Variants in CEP152 observed in about 807,000 individuals in gnomAD.
The protein encoded by CEP152 is centrosomal protein of 152 kDa.
Under a neutral mutation model 188.9 loss-of-function variants are expected in CEP152, and 132 were observed. The ratio of observed to expected loss-of-function variants is 0.70; its 90% CI spans 0.61 to 0.81. The LOEUF (loss-of-function observed/expected upper bound fraction) is 0.81, where lower values mean the gene tolerates loss of function less well. Among genes scored for constraint, CEP152 ranks in the 30% least tolerant of loss-of-function variants. The probability of loss-of-function intolerance (pLI) is 0.00; values close to 1 mark genes in which losing one functional copy is unlikely to be tolerated. For missense variants in CEP152, 1,914 were observed against 1,969.8 expected, an observed-to-expected ratio of 0.97 and a Z score of 0.54; for synonymous variants, 649 against 666.6, an observed-to-expected ratio of 0.97 and a Z score of 0.41.
At chr15:48,749,374 G>A (rs778600177) in intron 21 of CEP152, among the ~76,000 whole-genome samples, 2 of 151,908 alleles carry the variant, frequency 1.3e-5, no homozygotes, top group Non-Finnish European at 2.9e-5. Flanking sequence ...AATCATCAAC[G>A]GTTGCCAAAT....
At chr15:48,780,693 T>C (rs895423227) in intron 12 of CEP152, among the ~76,000 whole-genome samples, 10 of 152,190 alleles carry the variant, frequency 6.6e-5, no homozygotes, top group Admixed American at 1.3e-4. Flanking sequence ...AAACATAACA[T>C]TGAATGCATA....
intron 13 of CEP152, among the ~76,000 whole-genome samples, chr15:48,770,003 G>GA (rs1451014263): frequency 6.6e-6 from 1 of 152,166 alleles, no homozygotes; most frequent in African/African-American, 2.4e-5. Flanking sequence ...CACCAAAGTG[G>GA]AACCTCTTAT....
intron 19 of CEP152, 27 bp from the exon 20 acceptor site, chr15:48,756,580 GA>G: frequency 6.3e-7 from 1 of 1,598,472 alleles, no homozygotes; most frequent in South Asian, 1.1e-5. Flanking sequence ...CATGCATTTT[GA>G]AAGTCTTTAT....
chr15:48,733,582 C>T (rs559072027), downstream of CEP152, among the ~76,000 whole-genome samples: 2 of 152,024 alleles, frequency 1.3e-5, no homozygotes, highest in South Asian at 2.1e-4. Flanking sequence ...AAAGAGGAAA[C>T]GAGGACAGAA....
intron 19 of CEP152, among the ~76,000 whole-genome samples, chr15:48,759,236 T>G (rs1894503872): frequency 6.6e-6 from 1 of 152,206 alleles, no homozygotes; most frequent in African/African-American, 2.4e-5. Flanking sequence ...ATGGTACAGA[T>G]CTGAAATCTT....
rs1277297767 is a variant in CEP152, at chr15:48,738,312, T to C, written c.5070A>G (p.Leu1690=). 3 of 1,613,912 alleles carry C rather than the reference T, an allele frequency of 1.9e-6. No homozygotes were observed. The highest frequency in any genetic ancestry group is 2.5e-6 in the Non-Finnish European group (3 of 1,179,930). Residue 1690 remains leucine (L), a synonymous_variant, in exon 27 of 27, where the codon TTA becomes TTG. Coordinates refer to ENST00000380950, the MANE Select transcript of CEP152 (RefSeq NM_001194998.2). ...SSVCQQPSRK[L]IVPLSSQQDS... Reference sequence around the variant, plus strand: ...CTTGTTGGCTAGATAGCGGAACAATTAATTTTCTTGAAGGCTGCTGACACA... The same window carrying C: ...CTTGTTGGCTAGATAGCGGAACAATCAATTTTCTTGAAGGCTGCTGACACA...
At chr15:48,809,125 T>C (rs969182455) in intron 1 of CEP152, among the ~76,000 whole-genome samples, 1 of 152,236 alleles carries the variant, frequency 6.6e-6, no homozygotes, top group Non-Finnish European at 1.5e-5. Flanking sequence ...AAAAGTAGCA[T>C]TGTTTTTGCT....
intron 11 of CEP152, among the ~76,000 whole-genome samples, chr15:48,781,921 GC>G (rs772969874): frequency 2.6e-5 from 4 of 152,184 alleles, no homozygotes; most frequent in Non-Finnish European, 5.9e-5. Flanking sequence ...GAGGTGGCAG[GC>G]AAGCTGGCAG....
In CEP152 at chr15:48,788,874, G is replaced by T. The variant is rs372764060; in HGVS notation, c.1100C>A (p.Thr367Lys). Residue 367 changes from threonine (T) to lysine (K), a missense_variant, in exon 9 of 27, where the codon ACA (threonine) becomes AAA (lysine). Coordinates refer to ENST00000380950, the MANE Select transcript of CEP152 (RefSeq NM_001194998.2). ...CAATACTTGCTCTTCGTACTTCTTT[G>T]TGAGGCCCATAACAATGCTCTCATG... ...EQHESIVMGL[T>K]KKYEEQVLSL... The T allele has an allele frequency of 3.4e-5, 55 of 1,613,990 alleles. No individual in the cohort carries two copies. The highest frequency in any genetic ancestry group is 4.4e-5 in the Non-Finnish European group (52 of 1,180,034).
At chr15:48,765,464 T>C (rs1297649022) in intron 17 of CEP152, among the ~76,000 whole-genome samples, 1 of 151,994 alleles carries the variant, frequency 6.6e-6, no homozygotes, top group East Asian at 1.9e-4. Flanking sequence ...ACTTTTCTTC[T>C]TGGACTTGTG....
chr15:48,746,488 A>T (rs1211311179), intron 22 of CEP152, among the ~76,000 whole-genome samples: 2 of 152,200 alleles, frequency 1.3e-5, no homozygotes, highest in African/African-American at 4.8e-5. Context: ...CCTCTACTAA[A>T]GAGCTAAGTA....
chr15:48,772,509 T>C lies in CEP152; in HGVS notation c.1760A>G (p.Asp587Gly), dbSNP rs1660788732. ...KIEDLHQVKK[D>G]EKSIEVETKT... ...TACCTCAACCTCAATGCTTTTTTCA[T>C]CCTTCTTCACTTGGTGGAGATCTTC... The change falls in exon 13 of 27, where the codon GAT becomes GGT. Residue 587 changes from aspartate to glycine, a missense_variant. Coordinates refer to ENST00000380950, the MANE Select transcript of CEP152 (RefSeq NM_001194998.2). 1.9e-6 allele frequency: 3 copies of C among 1,613,154 alleles called. No individual in the cohort carries two copies. In the African/African-American group the frequency reaches 4.0e-5, roughly 22 times the overall value.
chr15:48,784,149 TTTTCATAAAGAGTTTTAATAAAGA>T (rs1466602661), intron 9 of CEP152, 29 bp from the exon 10 acceptor site: 2 of 1,600,716 alleles, frequency 1.2e-6, no homozygotes, highest in East Asian at 4.5e-5. Flanking sequence ...CAGGAAGTCA[TTTTCATAAAGAGTTTTAATAAAGA>T]GTAAACTAAA....
chr15:48,773,750 A>T (rs1277239873), intron 12 of CEP152, among the ~76,000 whole-genome samples: 2 of 152,228 alleles, frequency 1.3e-5, no homozygotes, highest in Admixed American at 1.3e-4. Flanking sequence ...TGATGTAGTA[A>T]AGCCTATAAA....
chr15:48,729,927 C>T (rs1350780273), intron 2 of CEP152: 1 of 151,692 alleles, frequency 6.6e-6, no homozygotes, highest in East Asian at 1.9e-4. Flanking sequence ...GAGATTACTC[C>T]AGTACGTAAC....
Position 48,767,110 on chromosome 15 carries a change from C to T in CEP152, c.2230G>A (p.Glu744Lys), listed in dbSNP as rs1426043608. The T allele has an allele frequency of 1.2e-6, 2 of 1,613,410 alleles. No individual in the cohort carries two copies. Among genetic ancestry groups the T allele is most frequent in the Non-Finnish European group, 1.7e-6 (2 of 1,180,004 alleles). ...LEVCREKDNL[E>K]LTLRKTTEKE... ...TCAGTGGTCTTCCTGAGAGTCAATT[C>T]TAGATTATCCTTCTCTCTGCACACT... The change falls in exon 17 of 27, where the codon GAA (glutamate) becomes AAA (lysine). Residue 744 changes from glutamate to lysine, a missense_variant. Physicochemically the swap from Glu to Lys is moderately conservative, Grantham distance 56. Coordinates refer to ENST00000380950, the MANE Select transcript of CEP152 (RefSeq NM_001194998.2).
chr15:48,800,930 A>G (rs1250546803), intron 2 of CEP152, among the ~76,000 whole-genome samples: 1 of 152,240 alleles, frequency 6.6e-6, no homozygotes, highest in East Asian at 1.9e-4. Context: ...TAGAACATAC[A>G]AAAGCCTACA....
chr15:48,738,248 A>C lies in CEP152; in HGVS notation c.*1T>G. ...GATTCTTCTTAAATACTGTACCATAATTAGTCTAGATTAACAAATGGGCTA... is the reference window on the plus strand; with the variant it reads ...GATTCTTCTTAAATACTGTACCATACTTAGTCTAGATTAACAAATGGGCTA... On this transcript the variant is annotated 3_prime_UTR_variant, in exon 27 of 27. Transcript: ENST00000380950. The C allele has an allele frequency of 6.2e-7, 1 of 1,611,436 alleles. No individual in the cohort carries two copies. Among genetic ancestry groups the C allele is most frequent in the East Asian group, 2.2e-5 (1 of 44,788 alleles).
chr15:48,767,865 T>C (rs1895237265), intron 15 of CEP152, among the ~76,000 whole-genome samples: 1 of 152,256 alleles, frequency 6.6e-6, no homozygotes, highest in African/African-American at 2.4e-5. Context: ...TCCAGAAGTC[T>C]GTTTCCAAGT....
Sources: gnomAD v4.1 joint callset for allele counts (sites outside exome capture counted in the v4.1 genomes callset) on GRCh38, gnomAD v4.1.1 for gene constraint, MANE v1.5 for transcripts, NCBI Gene and HGNC (gene_info 2026-07-23, HGNC 2026-07-21) for gene names.